Variants in COL22A1 observed in about 807,000 individuals in gnomAD.
COL22A1 encodes collagen type XXII alpha 1 chain.
In COL22A1, 221 loss-of-function variants were observed where a neutral mutation model predicts 248.9. The observed-to-expected ratio is 0.89, with a 90% confidence interval of 0.80 to 0.99. The LOEUF is 0.99. COL22A1 is among the 50% of genes least tolerant of loss of function. The pLI, the probability that COL22A1 is intolerant of heterozygous loss-of-function variation, is 0.00. For missense variants in COL22A1, 2,240 were observed against 2,179.0 expected (o/e 1.03, Z -0.56); for synonymous variants, 891 against 793.4 (o/e 1.12, Z -2.07).
At chr8:138,782,181 T>G (rs16909612) in intron 12 of COL22A1, among the ~76,000 whole-genome samples, 2,395 of 152,332 alleles carry the variant, frequency 0.016, 29 homozygotes, top group Middle Eastern at 0.027. Flanking sequence ...CATGGCATGA[T>G]ACAGACATGA....
chr8:138,810,147 G>C (rs1354743529), intron 9 of COL22A1, among the ~76,000 whole-genome samples: 1 of 152,166 alleles, frequency 6.6e-6, no homozygotes, highest in Non-Finnish European at 1.5e-5. Flanking sequence ...AGAGAGGGAG[G>C]GAAGGAGGAA....
intron 4 of COL22A1, among the ~76,000 whole-genome samples, chr8:138,836,985 T>C (rs369239452): frequency 1.7e-4 from 26 of 152,046 alleles, no homozygotes; most frequent in African/African-American, 6.3e-4. Flanking sequence ...CCACACAGAG[T>C]TCCAGCTGGG....
In COL22A1 at chr8:138,589,414, T is replaced by C; in HGVS notation, c.4720A>G (p.Lys1574Glu). 1 of 1,579,920 alleles carries C rather than the reference T, an allele frequency of 6.3e-7. No individual in the cohort carries two copies. Among genetic ancestry groups the C allele is most frequent in the East Asian group, 2.3e-5 (1 of 42,930 alleles). Residue 1574 changes from lysine to glutamate, a missense_variant, in exon 65 of 65, where the codon AAA becomes GAA. Lys to Glu is a moderately conservative substitution (Grantham distance 56, BLOSUM62 1). Coordinates refer to ENST00000303045, the MANE Select transcript of COL22A1 (RefSeq NM_152888.3). ...CCAGGGATCCCAGGAAGTCCATCTT[T>C]AGCATAGCCAGGTTCCCCGGGTTGA... ...PGQPGEPGYA[K>E]DGLPGIPGPQ... is the part of the protein sequence containing the mutation.
intron 46 of COL22A1, among the ~76,000 whole-genome samples, chr8:138,649,310 G>T (rs989166850): frequency 3.9e-5 from 6 of 152,216 alleles, no homozygotes; most frequent in Non-Finnish European, 5.9e-5. Context: ...TGAGTCTGAA[G>T]TGCCTATCTT....
intron 22 of COL22A1, among the ~76,000 whole-genome samples, chr8:138,750,735 G>A (rs1260120027): frequency 6.6e-6 from 1 of 152,162 alleles, no homozygotes. Flanking sequence ...ATGTGAACTA[G>A]TAAAAGGCGA....
chr8:138,592,100 A>G (rs948691889), intron 63 of COL22A1, among the ~76,000 whole-genome samples: 1 of 152,368 alleles, frequency 6.6e-6, no homozygotes. Context: ...TTGAAATTCA[A>G]TAAGAGAAAT....
At chr8:138,638,917 G>A (rs1821427422) in intron 47 of COL22A1, among the ~76,000 whole-genome samples, 1 of 152,104 alleles carries the variant, frequency 6.6e-6, no homozygotes, top group African/African-American at 2.4e-5. Flanking sequence ...GATCTCCACA[G>A]TTGTCCCTGT....
chr8:138,619,048 CTTA>C (rs1314316936), intron 53 of COL22A1, among the ~76,000 whole-genome samples: 2 of 151,732 alleles, frequency 1.3e-5, no homozygotes, highest in African/African-American at 2.4e-5. Flanking sequence ...TATTCTTTTT[CTTA>C]TTATTACCAT....
chr8:138,819,648 A>G (rs1452183451), intron 7 of COL22A1, among the ~76,000 whole-genome samples: 1 of 148,136 alleles, frequency 6.8e-6, no homozygotes, highest in South Asian at 2.1e-4. Context: ...ATATAGATAT[A>G]AATTAAATAA....
intron 22 of COL22A1, among the ~76,000 whole-genome samples, chr8:138,739,600 G>A (rs1430034681): frequency 6.6e-6 from 1 of 152,182 alleles, no homozygotes. Context: ...TCGGGCTCTG[G>A]TTTTGTTTGA....
rs1194907455 is a variant in COL22A1, at chr8:138,589,143, A to G, written c.*110T>C. 5.8e-6 allele frequency: 5 copies of G among 869,338 alleles called. No homozygotes were observed. The highest frequency in any genetic ancestry group is 1.8e-5 in the African/African-American group (1 of 55,194). The allele number at this position is 869,338 out of a possible 1,614,324, so 53.9% of individuals were successfully genotyped here. A position where few individuals can be genotyped will look rare whatever the true frequency, so the allele number is the denominator to read the frequency against. On this transcript the variant is annotated 3_prime_UTR_variant, in exon 65 of 65. Coordinates refer to ENST00000303045, the MANE Select transcript of COL22A1 (RefSeq NM_152888.3). ...ACAAAAAGCAAACGATAAAAGAAAGAAAAAAAAAAGGAACACATGGCTGAA... is the reference window on the plus strand; with the variant it reads ...ACAAAAAGCAAACGATAAAAGAAAGGAAAAAAAAAGGAACACATGGCTGAA...
intron 55 of COL22A1, among the ~76,000 whole-genome samples, chr8:138,614,561 C>T (rs1819157533): frequency 6.6e-6 from 1 of 152,198 alleles, no homozygotes; most frequent in African/African-American, 2.4e-5. Context: ...TCCCAGGGTC[C>T]CATCCCAGCT....
chr8:138,811,754 C>G, intron 9 of COL22A1, 45 bp downstream of exon 9: 1 of 1,611,642 alleles, frequency 6.2e-7, no homozygotes, highest in Non-Finnish European at 8.5e-7. Flanking sequence ...TCCCACTGCA[C>G]CACCCAGGGT....
chr8:138,665,559 A>G (rs1824430101), intron 41 of COL22A1, among the ~76,000 whole-genome samples: 1 of 152,248 alleles, frequency 6.6e-6, no homozygotes, highest in Admixed American at 6.5e-5. Flanking sequence ...GCTCAAAGGC[A>G]ATGTGCCTAC....
At chr8:138,826,356 C>G (rs1488137111) in intron 6 of COL22A1, among the ~76,000 whole-genome samples, 1 of 152,184 alleles carries the variant, frequency 6.6e-6, no homozygotes, top group Non-Finnish European at 1.5e-5. Flanking sequence ...ATAGGTGTCA[C>G]AGGACAGCAG....
chr8:138,589,551 C>G, intron 64 of COL22A1, 111 bp from the exon 65 acceptor site: 1 of 831,244 alleles, frequency 1.2e-6, no homozygotes, highest in Non-Finnish European at 1.8e-6. Context: ...GAAACGTCCT[C>G]AGACAGAGCA....
intron 3 of COL22A1, among the ~76,000 whole-genome samples, chr8:138,874,587 C>T (rs374984076): frequency 6.6e-6 from 1 of 152,184 alleles, no homozygotes; most frequent in African/African-American, 2.4e-5. Context: ...AATCTCTTCT[C>T]CTCCCCGGTT....
chr8:138,873,619 T>C (rs1563871012), intron 3 of COL22A1, among the ~76,000 whole-genome samples: 1 of 152,230 alleles, frequency 6.6e-6, no homozygotes, highest in Non-Finnish European at 1.5e-5. Context: ...TGTGTAATTG[T>C]CTGCCATTTT....
chr8:138,905,559 C>T (rs1814945313), intron 1 of COL22A1, among the ~76,000 whole-genome samples: 1 of 152,172 alleles, frequency 6.6e-6, no homozygotes, highest in Non-Finnish European at 1.5e-5. Flanking sequence ...GCCAAGCTCC[C>T]ATTTCTGCCC....
Sources: gnomAD v4.1 joint callset for allele counts (sites outside exome capture counted in the v4.1 genomes callset) on GRCh38, gnomAD v4.1.1 for gene constraint, MANE v1.5 for transcripts, NCBI Gene and HGNC (gene_info 2026-07-23, HGNC 2026-07-21) for gene names.